ATR: variants seen among roughly 807,000 people sequenced by gnomAD.
ATR encodes the protein ATR checkpoint kinase.
In ATR, 142 loss-of-function variants were observed where a neutral mutation model predicts 305.3. The ratio of observed to expected loss-of-function variants is 0.47; its 90% CI spans 0.41 to 0.53. ATR has a LOEUF of 0.53. Ranked by LOEUF, ATR falls within the 20% of genes least tolerant of loss-of-function variation. The probability of loss-of-function intolerance (pLI) is 0.00; values close to 1 mark genes in which losing one functional copy is unlikely to be tolerated. For missense variants in ATR, 2,135 were observed against 3,133.1 expected, an observed-to-expected ratio of 0.68 and a Z score of 7.60; for synonymous variants, 1,050 against 1,068.1, an observed-to-expected ratio of 0.98 and a Z score of 0.33.
intron 19 of ATR, among the ~76,000 whole-genome samples, chr3:142,536,433 C>G (rs935747143): frequency 6.6e-6 from 1 of 152,214 alleles, no homozygotes; most frequent in African/African-American, 2.4e-5. Flanking sequence ...AACCATGCTT[C>G]TCAGCATACA....
intron 30 of ATR, among the ~76,000 whole-genome samples, chr3:142,501,265 T>G (rs917261579): frequency 2.9e-5 from 4 of 138,630 alleles, no homozygotes; most frequent in African/African-American, 1.2e-4. Flanking sequence ...AAAAAGAAAT[T>G]TGACACCCCA....
chr3:142,495,740 G>T (rs2031550311), intron 34 of ATR, among the ~76,000 whole-genome samples: 2 of 150,212 alleles, frequency 1.3e-5, no homozygotes, highest in Non-Finnish European at 2.9e-5. Context: ...TGAGACTCCG[G>T]TTCAAAATAA....
At chr3:142,512,498 A>T in intron 26 of ATR, 28 bp from the exon 27 acceptor site, 1 of 1,499,500 alleles carries the variant, frequency 6.7e-7, no homozygotes, top group Non-Finnish European at 9.1e-7. Context: ...AATTAATAAT[A>T]ATATCTATAT....
intron 35 of ATR, among the ~76,000 whole-genome samples, chr3:142,489,566 T>C (rs2031157402): frequency 6.6e-6 from 1 of 152,194 alleles, no homozygotes; most frequent in Admixed American, 6.5e-5. Context: ...CATATAAGCA[T>C]ATAGTCTTTT....
chr3:142,542,247 T>C (rs925348190), intron 17 of ATR, among the ~76,000 whole-genome samples: 46 of 152,154 alleles, frequency 3.0e-4, no homozygotes, highest in Non-Finnish European at 1.2e-4. Flanking sequence ...CTAGTCTCTC[T>C]CTTCAAATGC....
chr3:142,534,953 A>G lies in ATR; in HGVS notation c.3945+127T>C. On this transcript the variant is annotated intron_variant, in intron 21 of 46. Transcript: ENST00000350721. ...GATTCCTAATTCTCAGTCAGATCTG[A>G]TAATTCAGGTAAAATAAAAATTTCT... The G allele has an allele frequency of 6.6e-6, 7 of 1,061,216 alleles. No individual in the cohort carries two copies. The South Asian group carries it at 1.2e-4, about 18-fold the overall frequency. The allele number at this position is 1,061,216 out of a possible 1,614,324, so 65.7% of individuals were successfully genotyped here.
intron 9 of ATR, 104 bp downstream of exon 9, chr3:142,556,278 AT>A: frequency 6.8e-7 from 1 of 1,481,376 alleles, no homozygotes. Context: ...TAAAAGCAAC[AT>A]TTGCTTTACA....
At chr3:142,572,841 A>C (rs1423773766) in intron 1 of ATR, among the ~76,000 whole-genome samples, 3 of 152,248 alleles carry the variant, frequency 2.0e-5, no homozygotes, top group Non-Finnish European at 2.9e-5. Flanking sequence ...AGAAAAAAAA[A>C]CAACTCTTCA....
intron 41 of ATR, among the ~76,000 whole-genome samples, chr3:142,462,764 G>C (rs1046777174): frequency 2.0e-5 from 3 of 152,034 alleles, no homozygotes; most frequent in Non-Finnish European, 4.4e-5. Flanking sequence ...CACTGTGCCC[G>C]GCCAATTTTA....
intron 3 of ATR, among the ~76,000 whole-genome samples, chr3:142,565,723 C>G (rs551727374): frequency 7.9e-6 from 1 of 127,308 alleles, no homozygotes; most frequent in African/African-American, 3.0e-5. Flanking sequence ...TAGCGAGACC[C>G]TGTCTTATTT....
At chr3:142,560,177 A>G (rs1277069153) in intron 6 of ATR, 86 bp downstream of exon 6, 3 of 1,323,520 alleles carry the variant, frequency 2.3e-6, no homozygotes, top group Non-Finnish European at 3.2e-6. Flanking sequence ...TTCTAAGGTT[A>G]CATGAGTCAA....
intron 21 of ATR, among the ~76,000 whole-genome samples, chr3:142,529,070 C>G (rs1338457251): frequency 6.6e-6 from 1 of 150,546 alleles, no homozygotes; most frequent in Non-Finnish European, 1.5e-5. Flanking sequence ...TTAGTAGAGA[C>G]AGCGTTTCAC....
chr3:142,510,640 A>G (rs1018796658), intron 27 of ATR, among the ~76,000 whole-genome samples: 2 of 152,198 alleles, frequency 1.3e-5, no homozygotes, highest in African/African-American at 4.8e-5. Context: ...CAACAGAACA[A>G]GAGGGAGATG....
At chr3:142,451,627 TG>T in intron 46 of ATR, 1 of 1,250,486 alleles carries the variant, frequency 8.0e-7, no homozygotes, top group African/African-American at 1.5e-5. Context: ...TTGCCCAGGC[TG>T]GAGTGCAGTG....
At chr3:142,571,452 C>T (rs1375105927) in intron 1 of ATR, among the ~76,000 whole-genome samples, 1 of 147,032 alleles carries the variant, frequency 6.8e-6, no homozygotes, top group Non-Finnish European at 1.5e-5. Context: ...GGCGACAGAG[C>T]GAGACTCAGT....
At chr3:142,537,514 G>C (rs1356235399) in intron 19 of ATR, among the ~76,000 whole-genome samples, 1 of 152,082 alleles carries the variant, frequency 6.6e-6, no homozygotes, top group African/African-American at 2.4e-5. Flanking sequence ...TAGTGATTTT[G>C]TTGTTTTATC....
At chr3:142,552,145 C>G (rs988798846) in intron 13 of ATR, among the ~76,000 whole-genome samples, 1 of 152,102 alleles carries the variant, frequency 6.6e-6, no homozygotes, top group African/African-American at 2.4e-5. Flanking sequence ...AAAACAGATA[C>G]TGGCAAGGTT....
chr3:142,551,508 G>A (rs908110347), intron 13 of ATR, among the ~76,000 whole-genome samples: 43 of 152,114 alleles, frequency 2.8e-4, no homozygotes, highest in Admixed American at 2.3e-3. Flanking sequence ...AGAGAACTCA[G>A]AAATAAGATG....
intron 35 of ATR, among the ~76,000 whole-genome samples, chr3:142,488,939 C>T (rs193194283): frequency 6.6e-6 from 1 of 152,260 alleles, no homozygotes; most frequent in African/African-American, 2.4e-5. Flanking sequence ...TTTTACTTCA[C>T]TCAATTTTAA....
Sources: allele counts gnomAD v4.1 joint callset (sites outside exome capture counted in the v4.1 genomes callset), GRCh38; gene constraint gnomAD v4.1.1; transcripts MANE v1.5; gene names NCBI Gene and HGNC (gene_info 2026-07-23, HGNC 2026-07-21).